GMDS: variants seen among roughly 807,000 people sequenced by gnomAD.
GMDS encodes GDP-mannose 4,6 dehydratase.
Under a neutral mutation model 49.9 loss-of-function variants are expected in GMDS, and 20 were observed. The observed-to-expected ratio is 0.40, with a 90% CI of 0.28 to 0.58. GMDS has a LOEUF of 0.58. Ranked by LOEUF, GMDS falls within the 20% of genes least tolerant of loss-of-function variation. The pLI is 0.42. For missense variants in GMDS, 362 were observed against 481.4 expected (o/e 0.75, Z 2.32); for synonymous variants, 177 against 178.6 (o/e 0.99, Z 0.07).
At chr6:1,845,290 G>A (rs1046840596) in intron 7 of GMDS, among the ~76,000 whole-genome samples, 28 of 152,224 alleles carry the variant, frequency 1.8e-4, no homozygotes, top group South Asian at 4.2e-4. Context: ...TGGGTTTCAC[G>A]GTCATAGTTT....
chr6:1,879,507 C>T (rs1025300234), intron 7 of GMDS, among the ~76,000 whole-genome samples: 2 of 151,870 alleles, frequency 1.3e-5, no homozygotes, highest in South Asian at 2.1e-4. Context: ...CCAATATAGG[C>T]ATTTTTATGT....
chr6:1,816,660 G>T (rs1159648381), intron 7 of GMDS, among the ~76,000 whole-genome samples: 1 of 152,146 alleles, frequency 6.6e-6, no homozygotes, highest in Non-Finnish European at 1.5e-5. Context: ...AAAGAACACA[G>T]AAGTGCACAG....
intron 4 of GMDS, among the ~76,000 whole-genome samples, chr6:2,060,596 C>A (rs536942647): frequency 8.6e-5 from 13 of 152,028 alleles, no homozygotes; most frequent in Admixed American, 5.9e-4. Context: ...GAAGAATAAA[C>A]AACAGATAAG....
chr6:2,239,147 G>A (rs1458204288), intron 1 of GMDS, among the ~76,000 whole-genome samples: 1 of 152,088 alleles, frequency 6.6e-6, no homozygotes, highest in East Asian at 1.9e-4. Context: ...TGGCCAACAT[G>A]GCAAAACCCC....
rs1773556335 is a variant in GMDS at position 2,095,647 on chromosome 6, G to T, written c.345+20124C>A. Among the ~76,000 whole-genome samples the T allele has an allele frequency of 5.3e-5, 8 of 152,130 alleles. No homozygotes were observed. The South Asian group carries it at 1.7e-3, about 32-fold the overall frequency. ...ATCAGTGAAATACAGAGTGTTTCTT[G>T]CAAATGTGATGTAGATTTCATAGAC... On this transcript the variant is annotated intron_variant, in intron 4 of 10. Coordinates refer to ENST00000380815, the MANE Select transcript of GMDS (RefSeq NM_001500.4).
chr6:1,716,012 T>A (rs1371506690), intron 9 of GMDS, among the ~76,000 whole-genome samples: 8 of 152,180 alleles, frequency 5.3e-5, no homozygotes, highest in Non-Finnish European at 4.4e-5. Context: ...CAAAAAATAA[T>A]AGAAACAGCC....
chr6:2,231,564 CAAAA>C (rs557899250), intron 1 of GMDS, among the ~76,000 whole-genome samples: 1 of 149,196 alleles, frequency 6.7e-6, no homozygotes, highest in Non-Finnish European at 1.5e-5. Flanking sequence ...ACCTTGTCTC[CAAAA>C]AAAAAGCCTA....
At chr6:2,170,138 G>A (rs1008750471) in intron 1 of GMDS, among the ~76,000 whole-genome samples, 5 of 152,094 alleles carry the variant, frequency 3.3e-5, no homozygotes, top group Non-Finnish European at 7.4e-5. Context: ...GGGAGGTGGA[G>A]GTTGTGGTGA....
At chr6:1,624,360 C>A in intron 10 of GMDS, 112 bp downstream of exon 10, 1 of 1,298,226 alleles carries the variant, frequency 7.7e-7, no homozygotes. Context: ...CTCCCGCACC[C>A]CGCCTTCCGG....
chr6:1,857,982 T>C (rs1397139776), intron 7 of GMDS, among the ~76,000 whole-genome samples: 1 of 152,162 alleles, frequency 6.6e-6, no homozygotes, highest in Non-Finnish European at 1.5e-5. Context: ...TGTCACACCA[T>C]GTTAGAGGAA....
At chr6:1,947,648 C>T (rs980746268) in intron 6 of GMDS, among the ~76,000 whole-genome samples, 6 of 152,150 alleles carry the variant, frequency 3.9e-5, no homozygotes, top group Admixed American at 1.3e-4. Flanking sequence ...AGAAGGCAGA[C>T]GCAAACCTTC....
intron 7 of GMDS, among the ~76,000 whole-genome samples, chr6:1,916,331 C>A (rs909532906): frequency 6.6e-6 from 1 of 151,962 alleles, no homozygotes; most frequent in African/African-American, 2.4e-5. Flanking sequence ...CAACCCTTCA[C>A]GTGCGGGGGT....
intron 4 of GMDS, among the ~76,000 whole-genome samples, chr6:2,042,085 C>T (rs1474389690): frequency 6.6e-6 from 1 of 152,134 alleles, no homozygotes; most frequent in African/African-American, 2.4e-5. Flanking sequence ...CCTGAGATAA[C>T]TGTGGGAAAT....
chr6:1,980,280 T>C (rs1426091501), intron 4 of GMDS, among the ~76,000 whole-genome samples: 1 of 152,198 alleles, frequency 6.6e-6, no homozygotes, highest in African/African-American at 2.4e-5. Flanking sequence ...CCCATTGGTA[T>C]GCTGTGTTCA....
At chr6:1,661,000 C>G (rs1467175440) in intron 9 of GMDS, among the ~76,000 whole-genome samples, 1 of 151,860 alleles carries the variant, frequency 6.6e-6, no homozygotes, top group East Asian at 1.9e-4. Context: ...AAGCAGTTTT[C>G]AATCCATATC....
At chr6:1,845,218 A>G (rs1757337139) in intron 7 of GMDS, among the ~76,000 whole-genome samples, 1 of 152,234 alleles carries the variant, frequency 6.6e-6, no homozygotes, top group Admixed American at 6.5e-5. Flanking sequence ...TCTATTGTAC[A>G]TTAAAAGTAA....
chr6:1,808,911 T>TGC (rs1770296282), intron 7 of GMDS, among the ~76,000 whole-genome samples: 2 of 151,918 alleles, frequency 1.3e-5, no homozygotes, highest in African/African-American at 4.8e-5. Flanking sequence ...TCTCTGTGTG[T>TGC]GTGTGTGTGT....
chr6:1,649,894 TCA>T (rs2113209546), intron 9 of GMDS, among the ~76,000 whole-genome samples: 1 of 152,332 alleles, frequency 6.6e-6, no homozygotes, highest in South Asian at 2.1e-4. Flanking sequence ...GTGCCTGGCT[TCA>T]CAGTTTTCTA....
chr6:1,856,062 T>C (rs757486644), intron 7 of GMDS, among the ~76,000 whole-genome samples: 12 of 152,194 alleles, frequency 7.9e-5, no homozygotes, highest in Non-Finnish European at 1.6e-4. Flanking sequence ...GGCTGAACAA[T>C]GAACAGTAAA....
Sources: allele counts gnomAD v4.1 joint callset (sites outside exome capture counted in the v4.1 genomes callset), GRCh38; gene constraint gnomAD v4.1.1; transcripts MANE v1.5; gene names NCBI Gene and HGNC (gene_info 2026-07-23, HGNC 2026-07-21).